Variants in USP48 observed in about 807,000 individuals in gnomAD.
The protein encoded by USP48 is ubiquitin carboxyl-terminal hydrolase 48.
A neutral mutation model predicts 150.7 loss-of-function variants in USP48; 43 were observed. That is an observed-to-expected ratio of 0.29 (90% CI 0.22 to 0.37). The LOEUF is 0.37. Ranked by LOEUF, USP48 falls within the 10% of genes least tolerant of loss-of-function variation. USP48 has a pLI of 1.00. For synonymous variants in USP48, 396 were observed against 425.9 expected, an observed-to-expected ratio of 0.93 and a Z score of 0.86; for missense variants, 813 against 1,249.6, an observed-to-expected ratio of 0.65 and a Z score of 5.27.
intron 1 of USP48, among the ~76,000 whole-genome samples, chr1:21,782,221 G>A (rs2097916401): frequency 6.6e-6 from 1 of 152,188 alleles, no homozygotes; most frequent in African/African-American, 2.4e-5. Context: ...TAAAGTTCAA[G>A]GGCGGCGCAG....
chr1:21,772,648 G>A (rs1225539154), intron 1 of USP48, among the ~76,000 whole-genome samples: 2 of 150,376 alleles, frequency 1.3e-5, no homozygotes, highest in Non-Finnish European at 3.0e-5. Context: ...TAGGCCAGGC[G>A]TGGTGGCTCG....
chr1:21,703,565 G>A lies in USP48; in HGVS notation c.2569C>T (p.Arg857Cys), dbSNP rs569663486. ...TAGATGGTGGCTTGAGTGTATTCAC[G>A]CAGGTCCCTCTGCTGCTGACACAAT... ...GLLCQQQRDL[R>C]EYTQATIYVH... is the part of the protein sequence containing the mutation. The change falls in exon 21 of 27, where the codon CGT becomes TGT. Residue 857 changes from arginine (R) to cysteine (C), a missense_variant. Arg to Cys is a radical substitution (Grantham distance 180, BLOSUM62 -3). Transcript: ENST00000308271. 9 of 1,612,132 alleles carry A rather than the reference G, an allele frequency of 5.6e-6. No homozygotes were observed. The African/African-American group carries it at 8.0e-5, about 14-fold the overall frequency.
intron 15 of USP48, among the ~76,000 whole-genome samples, chr1:21,709,077 T>C (rs1011671404): frequency 6.6e-6 from 1 of 151,778 alleles, no homozygotes; most frequent in Non-Finnish European, 1.5e-5. Flanking sequence ...GCCCGCCTAA[T>C]ATTTTATTTT....
intron 8 of USP48, among the ~76,000 whole-genome samples, chr1:21,744,554 TC>T (rs1331175664): frequency 6.6e-6 from 1 of 151,434 alleles, no homozygotes; most frequent in Non-Finnish European, 1.5e-5. Flanking sequence ...GGCGGGCAGA[TC>T]ACTTGAGGTC....
In USP48 at chr1:21,742,930, G is replaced by C. The variant is rs572820350; in HGVS notation, c.991+4137C>G. Among the ~76,000 whole-genome samples the C allele has an allele frequency of 6.7e-4, 102 of 152,314 alleles. No homozygotes were observed. In the Middle Eastern group the frequency reaches 0.01, roughly 15 times the overall value. On this transcript the variant is annotated intron_variant, in intron 8 of 26. Coordinates refer to ENST00000308271, the MANE Select transcript of USP48 (RefSeq NM_032236.8). ...AACACTGCTATAACCAGCTCGGGTA[G>C]AGAGATCAGCCTGAACAATATTCCA... is the stretch of plus-strand genomic sequence containing the variant.
chr1:21,771,096 A>C (rs2097878782), intron 1 of USP48, among the ~76,000 whole-genome samples: 1 of 152,174 alleles, frequency 6.6e-6, no homozygotes, highest in African/African-American at 2.4e-5. Flanking sequence ...ACTGCACTCC[A>C]GCCTAGGTGA....
At chr1:21,764,133 T>G (rs892061586) in intron 1 of USP48, among the ~76,000 whole-genome samples, 1 of 152,062 alleles carries the variant, frequency 6.6e-6, no homozygotes, top group African/African-American at 2.4e-5. Flanking sequence ...GGAGGTTGAG[T>G]GTTTCACAAA....
intron 1 of USP48, among the ~76,000 whole-genome samples, chr1:21,765,806 A>C (rs574607346): frequency 2.0e-5 from 3 of 147,240 alleles, no homozygotes; most frequent in Middle Eastern, 6.8e-3. Flanking sequence ...GGATCACCTG[A>C]GACAGGAGAA....
Position 21,736,458 on chromosome 1 carries a change from C to G in USP48, c.1159G>C (p.Glu387Gln). Residue 387 changes from glutamate to glutamine, a missense_variant, in exon 9 of 27, where the codon GAG (glutamate) becomes CAG (glutamine). Physicochemically the swap from Glu to Gln is conservative, Grantham distance 29 (BLOSUM62 2). Coordinates refer to ENST00000308271, the MANE Select transcript of USP48 (RefSeq NM_032236.8). ...TTAAAGGTTTTACCTAGATCTTCCT[C>G]AATCCCTAGTTGTAATTTCTTCCCC... Reference protein sequence around the residue: ...MEGKKLQLGIEEDLAEPSKSQ... With the variant: ...MEGKKLQLGIQEDLAEPSKSQ... 6.2e-7 allele frequency: 1 copy of G among 1,610,468 alleles called. No individual in the cohort carries two copies.
In USP48 at chr1:21,783,035, TTCGCCACCTGCCAG is replaced by T; in HGVS notation, c.-92_-79del. The T allele has an allele frequency of 7.1e-7, 1 of 1,414,228 alleles. No homozygotes were observed. Among genetic ancestry groups the T allele is most frequent in the Non-Finnish European group, 9.1e-7 (1 of 1,094,228 alleles). The allele number at this position is 1,414,228 out of a possible 1,614,324, so 87.6% of individuals were successfully genotyped here. A position where few individuals can be genotyped will look rare whatever the true frequency, so the allele number is the denominator to read the frequency against. On this transcript the variant is annotated 5_prime_UTR_variant, in exon 1 of 27. Coordinates refer to ENST00000308271, the MANE Select transcript of USP48 (RefSeq NM_032236.8). ...GGTCTGCACCGCCGCCCCAATGGGC[TTCGCCACCTGCCAG>T]CAAGGAGGACCTGGCGCTCCTTCAG...
intron 14 of USP48, among the ~76,000 whole-genome samples, chr1:21,718,715 G>A (rs529292): frequency 0.21 from 32,434 of 151,792 alleles, 4,452 homozygotes; most frequent in Non-Finnish European, 0.3. Flanking sequence ...ATGCCACCAC[G>A]CCTGGATAAT....
At position 21,729,276 on chromosome 1, in the gene USP48, C is replaced by T. The variant is rs569190216; in HGVS notation, c.1300+428G>A. ...CAGCCTGGGCGAAAGAATGAGACTC[C>T]GCCTCAAAAAAAAAAAAAAAAGAAA... On this transcript the variant is annotated intron_variant, in intron 10 of 26. Transcript: ENST00000308271. Among the ~76,000 whole-genome samples the T allele has an allele frequency of 2.8e-4, 40 of 144,360 alleles. 1 individual carries two copies. In the South Asian group the frequency reaches 5.4e-3, roughly 19 times the overall value. The allele number at this position is 144,360 out of a possible 152,430, so 94.7% of individuals were successfully genotyped here.
Position 21,756,706 on chromosome 1 carries a change from C to A in USP48, c.256-4G>T. The A allele has an allele frequency of 1.2e-6, 2 of 1,612,542 alleles. No individual in the cohort carries two copies. The highest frequency in any genetic ancestry group is 1.7e-6 in the Non-Finnish European group (2 of 1,179,518). On this transcript the variant is annotated splice_region_variant and splice_polypyrimidine_tract_variant and intron_variant, in intron 2 of 26. Coordinates refer to ENST00000308271, the MANE Select transcript of USP48 (RefSeq NM_032236.8). ...TAGTCAGGCCCACAAATGAGTTCTA[C>A]AAAAATACAAAATTCATAATTATAA...
intron 22 of USP48, among the ~76,000 whole-genome samples, chr1:21,697,571 G>A (rs1308931554): frequency 6.6e-6 from 1 of 151,356 alleles, no homozygotes; most frequent in Non-Finnish European, 1.5e-5. Context: ...GCTGAGGCAG[G>A]AGAATGGCGT....
At chr1:21,705,482 G>T (rs1382975536) in intron 19 of USP48, among the ~76,000 whole-genome samples, 2 of 152,150 alleles carry the variant, frequency 1.3e-5, no homozygotes, top group Non-Finnish European at 2.9e-5. Flanking sequence ...GAGAAAGGGT[G>T]GCTGTGTTGT....
At chr1:21,753,498 T>G (rs1305577188) in intron 3 of USP48, among the ~76,000 whole-genome samples, 1 of 146,342 alleles carries the variant, frequency 6.8e-6, no homozygotes, top group Non-Finnish European at 1.5e-5. Context: ...GAGGCTGCAG[T>G]GAGGTGAGAT....
At chr1:21,741,231 C>T (rs1240123545) in intron 8 of USP48, among the ~76,000 whole-genome samples, 1 of 151,958 alleles carries the variant, frequency 6.6e-6, no homozygotes, top group African/African-American at 2.4e-5. Flanking sequence ...AAAAAGAAAC[C>T]AAACCAAAAT....
intron 8 of USP48, among the ~76,000 whole-genome samples, chr1:21,743,116 T>C (rs909981097): frequency 7.2e-5 from 11 of 152,298 alleles, no homozygotes; most frequent in African/African-American, 2.4e-4. Flanking sequence ...GATATATTTC[T>C]TTTTGTGGCT....
At chr1:21,771,357 G>T (rs900341015) in intron 1 of USP48, among the ~76,000 whole-genome samples, 1 of 149,062 alleles carries the variant, frequency 6.7e-6, no homozygotes, top group East Asian at 2.0e-4. Context: ...CTGGGCGACA[G>T]AGCAAGACTC....
Sources: allele counts gnomAD v4.1 joint callset (sites outside exome capture counted in the v4.1 genomes callset), GRCh38; gene constraint gnomAD v4.1.1; transcripts MANE v1.5; gene names NCBI Gene and HGNC (gene_info 2026-07-23, HGNC 2026-07-21).